Variants in ATP1B1 observed in about 807,000 individuals in gnomAD.
ATP1B1 encodes the protein ATPase Na+/K+ transporting subunit beta 1.
ATP1B1 carries 3 observed loss-of-function variants against 39.6 expected under a neutral mutation model. The observed-to-expected ratio is 0.08, with a 90% CI of 0.03 to 0.20. The LOEUF (loss-of-function observed/expected upper bound fraction) is 0.20, where lower values mean the gene tolerates loss of function less well. Ranked by LOEUF, ATP1B1 falls within the 10% of genes least tolerant of loss-of-function variation. ATP1B1 has a pLI of 1.00. For synonymous variants in ATP1B1, 139 were observed against 135.0 expected (o/e 1.03, Z -0.20); for missense variants, 216 against 371.1 (o/e 0.58, Z 3.43).
chr1:169,106,810 G>T lies in ATP1B1; in HGVS notation c.-20G>T. The T allele has an allele frequency of 2.6e-6, 4 of 1,565,460 alleles. No individual in the cohort carries two copies. Among genetic ancestry groups the T allele is most frequent in the Non-Finnish European group, 3.5e-6 (4 of 1,158,880 alleles). Reference sequence around the variant, plus strand: ...GCCACCCACCCTCCGGACCGCGGCAGCTGCTGACCCGCCATCGCCATGGCC... The same window carrying T: ...GCCACCCACCCTCCGGACCGCGGCATCTGCTGACCCGCCATCGCCATGGCC... On this transcript the variant is annotated 5_prime_UTR_variant, in exon 1 of 6. Coordinates refer to ENST00000367815, the MANE Select transcript of ATP1B1 (RefSeq NM_001677.4).
intron 2 of ATP1B1, among the ~76,000 whole-genome samples, chr1:169,117,853 A>T (rs906409416): frequency 5.3e-5 from 8 of 152,372 alleles, no homozygotes; most frequent in African/African-American, 1.9e-4. Flanking sequence ...TTTCCCACAT[A>T]CATGCATGAG....
chr1:169,130,172 CAGGT>C (rs1250615442), intron 5 of ATP1B1, 82 bp downstream of exon 5: 3 of 1,197,524 alleles, frequency 2.5e-6, no homozygotes, highest in Non-Finnish European at 3.6e-6. Context: ...GTTTAAGTGA[CAGGT>C]AGAATTTTAA....
At chr1:169,117,823 A>G (rs1206652913) in intron 2 of ATP1B1, among the ~76,000 whole-genome samples, 2 of 152,258 alleles carry the variant, frequency 1.3e-5, no homozygotes, top group African/African-American at 4.8e-5. Flanking sequence ...TGAAGGGAAC[A>G]GGGATGTATC....
At chr1:169,110,353 G>T (rs1425480311) in intron 1 of ATP1B1, among the ~76,000 whole-genome samples, 1 of 152,112 alleles carries the variant, frequency 6.6e-6, no homozygotes, top group Non-Finnish European at 1.5e-5. Context: ...GACCTTTTTA[G>T]CAGTAACCTA....
chr1:169,129,223 G>A (rs998953166), intron 4 of ATP1B1, among the ~76,000 whole-genome samples: 1 of 152,196 alleles, frequency 6.6e-6, no homozygotes, highest in African/African-American at 2.4e-5. Flanking sequence ...GACTATGTAT[G>A]TGTTACATCT....
At chr1:169,126,713 A>G (rs567742265) in intron 3 of ATP1B1, among the ~76,000 whole-genome samples, 29 of 152,340 alleles carry the variant, frequency 1.9e-4, no homozygotes, top group Non-Finnish European at 2.6e-4. Context: ...CCTGTCTCAA[A>G]AAAACCCTTA....
Position 169,106,985 on chromosome 1 carries a change from C to T in ATP1B1, c.97+59C>T. Reference sequence around the variant, plus strand: ...GTCTGATCTTTCCCGGGCGGCGCATCCCCTGCGCAGGGTCCGCGGCCGGTT... The same window carrying T: ...GTCTGATCTTTCCCGGGCGGCGCATTCCCTGCGCAGGGTCCGCGGCCGGTT... On this transcript the variant is annotated intron_variant, in intron 1 of 5. Coordinates refer to ENST00000367815, the MANE Select transcript of ATP1B1 (RefSeq NM_001677.4). 2.7e-6 allele frequency: 4 copies of T among 1,486,648 alleles called. No homozygotes were observed. The South Asian group carries it at 3.7e-5, about 14-fold the overall frequency. 92.1% of individuals were successfully genotyped at this position (1,486,648 alleles called of 1,614,324 possible).
chr1:169,109,713 G>A (rs1000176887), intron 1 of ATP1B1, among the ~76,000 whole-genome samples: 6 of 151,268 alleles, frequency 4.0e-5, no homozygotes, highest in Non-Finnish European at 5.9e-5. Context: ...AATGAGTATA[G>A]AGATGTTTCA....
At chr1:169,118,786 A>G (rs1657911980) in intron 2 of ATP1B1, among the ~76,000 whole-genome samples, 1 of 152,174 alleles carries the variant, frequency 6.6e-6, no homozygotes, top group African/African-American at 2.4e-5. Flanking sequence ...GTGCATGGCT[A>G]CATTTAAAAG....
Position 169,131,732 on chromosome 1 carries a change from C to A in ATP1B1, c.*177C>A. On this transcript the variant is annotated 3_prime_UTR_variant, in exon 6 of 6. Transcript: ENST00000367815. This position sits in a 1 kb window ranked among gnomAD's most constrained non-coding sequence, Gnocchi z 4.4. ...AATGTAAATTAAAGTGTAGCAATAG[C>A]AACAAAATATTTATTCTACTGTAAA... The A allele has an allele frequency of 1.3e-6, 1 of 748,602 alleles. No homozygotes were observed. The highest frequency in any genetic ancestry group is 2.0e-6 in the Non-Finnish European group (1 of 496,382). 46.4% of individuals were successfully genotyped at this position (748,602 alleles called of 1,614,324 possible).
Position 169,131,624 on chromosome 1 carries a change from T to C in ATP1B1, c.*69T>C, listed in dbSNP as rs573607502. The stretch of plus-strand genomic sequence containing the variant: ...AAAAGATACAAAAACAAAAACCTAC[T>C]AGTCTTGAACAAACTGTCATACGTA... On this transcript the variant is annotated 3_prime_UTR_variant, in exon 6 of 6. Transcript: ENST00000367815. The surrounding 1 kb of genome is among the most constrained non-coding windows in gnomAD (Gnocchi z 4.4). The C allele has an allele frequency of 1.4e-5, 21 of 1,526,672 alleles. No homozygotes were observed. Among genetic ancestry groups the C allele is most frequent in the Non-Finnish European group, 1.6e-5 (18 of 1,135,436 alleles). 94.6% of individuals were successfully genotyped at this position (1,526,672 alleles called of 1,614,324 possible). A position where few individuals can be genotyped will look rare whatever the true frequency, so the allele number is the denominator to read the frequency against.
At chr1:169,110,680 A>G (rs1466015660) in intron 1 of ATP1B1, 2 of 1,285,130 alleles carry the variant, frequency 1.6e-6, no homozygotes, top group East Asian at 1.1e-4. Flanking sequence ...TTCTTGTTCC[A>G]GTTCCAGAAG....
chr1:169,125,423 A>G (rs1658066463), intron 3 of ATP1B1, among the ~76,000 whole-genome samples: 1 of 152,200 alleles, frequency 6.6e-6, no homozygotes, highest in Non-Finnish European at 1.5e-5. Context: ...CTCATCAGAA[A>G]GACCTTTTGG....
rs567219955 is a variant in ATP1B1, at chr1:169,107,380, A to G, written c.97+454A>G. On this transcript the variant is annotated intron_variant, in intron 1 of 5. Coordinates refer to ENST00000367815, the MANE Select transcript of ATP1B1 (RefSeq NM_001677.4). ...TTGTGTGTTACAGCATCTTTCTTCT[A>G]GTCTAAATACGTATCTCAAAAGAGA... Among the ~76,000 whole-genome samples the G allele has an allele frequency of 9.9e-5, 15 of 152,282 alleles. No homozygotes were observed. The East Asian group carries it at 1.2e-3, about 12-fold the overall frequency.
At chr1:169,122,888 G>GC (rs1335053233) in intron 2 of ATP1B1, among the ~76,000 whole-genome samples, 1 of 151,840 alleles carries the variant, frequency 6.6e-6, no homozygotes, top group African/African-American at 2.4e-5. Context: ...ACTGCACCTG[G>GC]CCTGAAGATG....
Position 169,106,962 on chromosome 1 carries a change from C to G in ATP1B1, c.97+36C>G, listed in dbSNP as rs61204485. ...GGTCCGCAGCTCCCGGCCGCCGCGT[C>G]TGATCTTTCCCGGGCGGCGCATCCC... On this transcript the variant is annotated intron_variant, in intron 1 of 5. Coordinates refer to ENST00000367815, the MANE Select transcript of ATP1B1 (RefSeq NM_001677.4). 9.3e-3 allele frequency: 14,327 copies of G among 1,543,182 alleles called. 1,125 individuals are homozygous for G. The African/African-American group carries it at 0.17, about 19-fold the overall frequency.
intron 2 of ATP1B1, among the ~76,000 whole-genome samples, chr1:169,116,053 C>A (rs935981824): frequency 6.6e-6 from 1 of 152,214 alleles, no homozygotes; most frequent in Admixed American, 6.5e-5. Context: ...GCACGCACAC[C>A]CACGTGCATG....
rs34447553 is a variant in ATP1B1, at chr1:169,132,019, A to ATTT, written c.*484_*486dup. On this transcript the variant is annotated 3_prime_UTR_variant, in exon 6 of 6. Coordinates refer to ENST00000367815, the MANE Select transcript of ATP1B1 (RefSeq NM_001677.4). ...CAACGGGAATAAAACTGGCATGGTAATTTTTTTTTTTTTTTTTTTTTTGTT... is the reference window on the plus strand; with the variant it reads ...CAACGGGAATAAAACTGGCATGGTAATTTTTTTTTTTTTTTTTTTTTTTTTGTT... 0.038 allele frequency: 7,147 copies of ATTT among 190,436 alleles called. 460 individuals are homozygous for ATTT. In the East Asian group the frequency reaches 0.38, roughly 10 times the overall value. The allele number at this position is 190,436 out of a possible 1,614,324, so 11.8% of individuals were successfully genotyped here.
chr1:169,108,811 C>T (rs1030536506), intron 1 of ATP1B1, among the ~76,000 whole-genome samples: 2 of 152,230 alleles, frequency 1.3e-5, no homozygotes, highest in African/African-American at 4.8e-5. Flanking sequence ...TACTTGCCTC[C>T]TCTTCCCTTC....
Sources: allele counts gnomAD v4.1 joint callset (sites outside exome capture counted in the v4.1 genomes callset), GRCh38; gene constraint gnomAD v4.1.1; non-coding constraint Gnocchi (gnomAD v3.1); transcripts MANE v1.5; gene names NCBI Gene and HGNC (gene_info 2026-07-23, HGNC 2026-07-21).